The following PLSCR2 variants were observed in gnomAD, a reference collection of about 807,000 sequenced individuals.
The protein encoded by PLSCR2 is PL scramblase 2.
Under a neutral mutation model 25.3 loss-of-function variants are expected in PLSCR2, and 18 were observed. The ratio of observed to expected loss-of-function variants is 0.71; its 90% CI spans 0.49 to 1.06. The LOEUF is 1.06. PLSCR2 is among the 50% of genes least tolerant of loss of function. The pLI, the probability that PLSCR2 is intolerant of heterozygous loss-of-function variation, is 0.00. For missense variants in PLSCR2, 243 were observed against 269.5 expected (o/e 0.90, Z 0.69); for synonymous variants, 88 against 87.3 (o/e 1.01, Z -0.04).
chr3:146,412,363 T>A (rs1279489614), intron 2 of PLSCR2, among the ~76,000 whole-genome samples: 8 of 152,132 alleles, frequency 5.3e-5, no homozygotes, highest in Non-Finnish European at 1.0e-4. Flanking sequence ...AGGTTTTCTA[T>A]GACATCCTTT....
At chr3:146,456,015 A>G (rs1263947245) in intron 3 of PLSCR2, among the ~76,000 whole-genome samples, 3 of 152,198 alleles carry the variant, frequency 2.0e-5, no homozygotes, top group African/African-American at 7.2e-5. Context: ...AGAAGATCAC[A>G]TCGGACTCAG....
At chr3:146,450,875 T>C (rs1028859826) in intron 5 of PLSCR2, among the ~76,000 whole-genome samples, 1 of 151,966 alleles carries the variant, frequency 6.6e-6, no homozygotes, top group Non-Finnish European at 1.5e-5. Context: ...ATGCAAGAAG[T>C]AGAAAATAAA....
At chr3:146,460,686 G>A (rs189785076), upstream of PLSCR2, among the ~76,000 whole-genome samples, 416 of 152,220 alleles carry the variant, frequency 2.7e-3, 5 homozygotes, top group Admixed American at 0.018. Flanking sequence ...CAGGGATGCC[G>A]CTAAACATCC....
At chr3:146,446,934 A>G (rs983069468) in intron 6 of PLSCR2, among the ~76,000 whole-genome samples, 8 of 152,160 alleles carry the variant, frequency 5.3e-5, no homozygotes, top group African/African-American at 1.9e-4. Flanking sequence ...ATTGGCCACC[A>G]CCACCCCAGG....
chr3:146,400,401 A>G lies in PLSCR2; in HGVS notation c.101-4480T>C, dbSNP rs914538454. 3.3e-5 allele frequency among the ~76,000 whole-genome samples: 5 copies of G among 151,566 alleles called. No homozygotes were observed. In the East Asian group the frequency reaches 5.8e-4, roughly 18 times the overall value. ...ACTATTTATAATTGTATCTAGAAAT[A>G]TAAAATAATTAAATTTATTTGTAAT... On this transcript the variant is annotated intron_variant and NMD_transcript_variant, in intron 2 of 3. Coordinates refer to the PLSCR2 transcript ENST00000463633.
At chr3:146,433,396 T>C (rs909081557) in exon 9 of PLSCR2, 2 of 152,168 alleles carry the variant, frequency 1.3e-5, no homozygotes, top group African/African-American at 4.8e-5. Context: ...AGTATTTGAA[T>C]TTAAATGAGT....
chr3:146,489,937 A>T (rs1560062465), intron 1 of PLSCR2, among the ~76,000 whole-genome samples: 2 of 152,082 alleles, frequency 1.3e-5, no homozygotes, highest in African/African-American at 2.4e-5. Flanking sequence ...GCTTCAAAAG[A>T]TTCATAGCCA....
At chr3:146,424,649 A>T (rs1289862232) in intron 2 of PLSCR2, among the ~76,000 whole-genome samples, 1 of 152,140 alleles carries the variant, frequency 6.6e-6, no homozygotes, top group Non-Finnish European at 1.5e-5. Flanking sequence ...CAAATATATT[A>T]AATGAAAAAT....
downstream of PLSCR2, among the ~76,000 whole-genome samples, chr3:146,429,152 G>C (rs918357388): frequency 6.6e-6 from 1 of 152,090 alleles, no homozygotes. Flanking sequence ...TGCACATGAA[G>C]CATAGTGCCA....
intron 2 of PLSCR2, among the ~76,000 whole-genome samples, chr3:146,407,693 A>G (rs1201571707): frequency 6.6e-6 from 1 of 152,160 alleles, no homozygotes; most frequent in East Asian, 1.9e-4. Context: ...GTGTCAGTGT[A>G]AACGTTAATA....
At chr3:146,458,655 T>TC (rs766525638) in intron 2 of PLSCR2, among the ~76,000 whole-genome samples, 48 of 152,230 alleles carry the variant, frequency 3.2e-4, no homozygotes, top group South Asian at 1.5e-3. Context: ...TTGAAAGCAT[T>TC]CACTATTATA....
chr3:146,408,292 C>T lies in PLSCR2; in HGVS notation c.101-12371G>A, dbSNP rs114353998. The stretch of plus-strand genomic sequence containing the variant: ...TCGAGCCTTTTTAGCAACTCCTTGG[C>T]TTTCGTGGACAAACAGGTGAAACGG... On this transcript the variant is annotated intron_variant and NMD_transcript_variant, in intron 2 of 3. Transcript: ENST00000463633. Among the ~76,000 whole-genome samples, 1,508 of 152,238 alleles carry T rather than the reference C, an allele frequency of 9.9e-3. 19 individuals are homozygous for T. Among genetic ancestry groups the T allele is most frequent in the African/African-American group, 0.024 (1,007 of 41,540 alleles).
intron 2 of PLSCR2, among the ~76,000 whole-genome samples, chr3:146,407,896 G>C (rs2038711895): frequency 6.6e-6 from 1 of 152,036 alleles, no homozygotes; most frequent in Non-Finnish European, 1.5e-5. Flanking sequence ...CTTCTCTAGG[G>C]GTACATCTTG....
chr3:146,452,197 A>T (rs1476855563), intron 5 of PLSCR2, among the ~76,000 whole-genome samples: 1 of 152,168 alleles, frequency 6.6e-6, no homozygotes, highest in Non-Finnish European at 1.5e-5. Flanking sequence ...TAGGGAACCC[A>T]GTTGATGTCT....
intron 2 of PLSCR2, among the ~76,000 whole-genome samples, chr3:146,425,949 T>G (rs1306565684): frequency 6.6e-6 from 1 of 152,184 alleles, no homozygotes; most frequent in Non-Finnish European, 1.5e-5. Flanking sequence ...TATTGAGTGC[T>G]GCTTTGAGAC....
chr3:146,460,093 G>T lies in PLSCR2; in HGVS notation c.-179-10C>A. The stretch of plus-strand genomic sequence containing the variant: ...ATATGTCCGGGAGGTCCTGAAATAG[G>T]AGCAAGTAAAATAATTTGTAGCTGC... On this transcript the variant is annotated splice_polypyrimidine_tract_variant and intron_variant, in intron 1 of 6. Coordinates refer to ENST00000610787, the Ensembl canonical transcript of PLSCR2. 6.7e-7 allele frequency: 1 copy of T among 1,492,490 alleles called. No individual in the cohort carries two copies. The highest frequency in any genetic ancestry group is 9.0e-7 in the Non-Finnish European group (1 of 1,114,124). 92.5% of individuals were successfully genotyped at this position (1,492,490 alleles called of 1,614,324 possible).
downstream of PLSCR2, chr3:146,433,287 C>T (rs183964838): frequency 6.6e-6 from 1 of 151,916 alleles, no homozygotes. Flanking sequence ...TCAAATTAAG[C>T]CTTTTTTGCA....
rs2039063905 is a variant in PLSCR2, at chr3:146,418,886, A to T, written c.101-22965T>A. 2.6e-5 allele frequency among the ~76,000 whole-genome samples: 4 copies of T among 151,776 alleles called. No individual in the cohort carries two copies. The South Asian group carries it at 8.3e-4, about 32-fold the overall frequency. The stretch of plus-strand genomic sequence containing the variant: ...TTAGAACCAAAAATCACACACCTAA[A>T]CTCTTCAAAGAGTCCTTTGTGTGAT... On this transcript the variant is annotated intron_variant and NMD_transcript_variant, in intron 2 of 3. Coordinates refer to the PLSCR2 transcript ENST00000463633.
At chr3:146,416,569 G>C (rs552798638) in intron 2 of PLSCR2, 1 of 152,138 alleles carries the variant, frequency 6.6e-6, no homozygotes, top group African/African-American at 2.4e-5. Flanking sequence ...AACCAGGGTC[G>C]TAGGTCATAA....
Sources: allele counts gnomAD v4.1 joint callset (sites outside exome capture counted in the v4.1 genomes callset), GRCh38; gene constraint gnomAD v4.1.1; transcripts MANE v1.5; gene names NCBI Gene and HGNC (gene_info 2026-07-23, HGNC 2026-07-21).